The following MTA3 variants were observed in gnomAD, a reference collection of about 807,000 sequenced individuals.
MTA3 encodes the protein metastasis associated 1 family member 3.
MTA3 carries 34 observed loss-of-function variants against 83.5 expected under a neutral mutation model. The ratio of observed to expected loss-of-function variants is 0.41; its 90% CI spans 0.31 to 0.54. MTA3 has a LOEUF of 0.54. Among genes scored for constraint, MTA3 ranks in the 20% least tolerant of loss-of-function variants. The probability of loss-of-function intolerance (pLI) is 0.33; values close to 1 mark genes in which losing one functional copy is unlikely to be tolerated. For missense variants in MTA3, 761 were observed against 726.4 expected (o/e 1.05, Z -0.55); for synonymous variants, 303 against 252.7 (o/e 1.20, Z -1.89).
intron 6 of MTA3, among the ~76,000 whole-genome samples, chr2:42,651,667 C>T (rs909746671): frequency 2.6e-5 from 4 of 150,952 alleles, no homozygotes; most frequent in Non-Finnish European, 4.4e-5. Flanking sequence ...CATGGTGGTG[C>T]GTGCCTGTAG....
intron 2 of MTA3, among the ~76,000 whole-genome samples, chr2:42,541,040 T>C (rs1676496283): frequency 6.6e-6 from 1 of 151,716 alleles, no homozygotes. Flanking sequence ...AATTTTTTTT[T>C]TTTTTTTTGA....
chr2:42,632,495 A>T (rs930575904), intron 4 of MTA3, among the ~76,000 whole-genome samples: 1 of 152,092 alleles, frequency 6.6e-6, no homozygotes, highest in Non-Finnish European at 1.5e-5. Context: ...TTCATTTGCC[A>T]TCTTGTCCAG....
chr2:42,734,232 T>G (rs1396913120), intron 16 of MTA3, among the ~76,000 whole-genome samples: 1 of 152,192 alleles, frequency 6.6e-6, no homozygotes. Flanking sequence ...CATATATATT[T>G]GTAATTGTTA....
At chr2:42,715,125 T>C (rs540450151) in intron 14 of MTA3, among the ~76,000 whole-genome samples, 31 of 152,334 alleles carry the variant, frequency 2.0e-4, no homozygotes, top group South Asian at 6.2e-4. Flanking sequence ...TTCAAATGCA[T>C]ATCTCCCTGT....
chr2:42,644,107 T>C lies in MTA3; in HGVS notation c.382-20T>C. 3 of 1,424,760 alleles carry C rather than the reference T, an allele frequency of 2.1e-6. No individual in the cohort carries two copies. The highest frequency in any genetic ancestry group is 2.9e-6 in the Non-Finnish European group (3 of 1,020,670). 88.3% of individuals were successfully genotyped at this position (1,424,760 alleles called of 1,614,324 possible). A position where few individuals can be genotyped will look rare whatever the true frequency, so the allele number is the denominator to read the frequency against. On this transcript the variant is annotated intron_variant, in intron 5 of 16. Transcript: ENST00000405094. The stretch of plus-strand genomic sequence containing the variant: ...GTAGAAGGAATTAAGTATACCTATG[T>C]ATTTTGTCATATTTTTCAGGATACC...
chr2:42,599,438 A>T (rs1382448973), intron 3 of MTA3, among the ~76,000 whole-genome samples: 1 of 151,860 alleles, frequency 6.6e-6, no homozygotes, highest in African/African-American at 2.4e-5. Context: ...ACTAAAAAAA[A>T]TACAAAAATT....
intron 6 of MTA3, among the ~76,000 whole-genome samples, chr2:42,655,854 C>T (rs770855869): frequency 6.6e-5 from 10 of 152,326 alleles, no homozygotes; most frequent in Non-Finnish European, 1.2e-4. Context: ...CTGTCTGCCT[C>T]GGCCTCCCAA....
At chr2:42,500,428 C>G (rs969177718) in intron 2 of MTA3, among the ~76,000 whole-genome samples, 3 of 151,774 alleles carry the variant, frequency 2.0e-5, no homozygotes, top group Admixed American at 1.3e-4. Flanking sequence ...TGTGGTGGCA[C>G]GTGCCTGTAG....
chr2:42,719,555 G>T (rs1240983390), intron 15 of MTA3, among the ~76,000 whole-genome samples: 1 of 151,956 alleles, frequency 6.6e-6, no homozygotes, highest in East Asian at 1.9e-4. Flanking sequence ...TTTGTTTTTT[G>T]TAGAGACAGG....
intron 8 of MTA3, among the ~76,000 whole-genome samples, chr2:42,668,581 C>T (rs1051798091): frequency 1.3e-5 from 2 of 152,150 alleles, no homozygotes; most frequent in Non-Finnish European, 2.9e-5. Context: ...GTTGAGAAGA[C>T]GACAATGGTG....
chr2:42,519,387 C>A (rs963834400), intron 2 of MTA3, among the ~76,000 whole-genome samples: 6 of 152,092 alleles, frequency 3.9e-5, no homozygotes, highest in African/African-American at 4.8e-5. Flanking sequence ...GGGCAGATCA[C>A]CTGAGGTCAG....
At chr2:42,690,905 C>T (rs1320439677) in intron 9 of MTA3, among the ~76,000 whole-genome samples, 1 of 146,080 alleles carries the variant, frequency 6.8e-6, no homozygotes. Context: ...GAGACAAAGT[C>T]TCACTCTGTT....
At chr2:42,641,351 C>A (rs903972842) in intron 5 of MTA3, among the ~76,000 whole-genome samples, 1 of 151,260 alleles carries the variant, frequency 6.6e-6, no homozygotes, top group Non-Finnish European at 1.5e-5. Context: ...AGAAAACCAA[C>A]AGGAAAAGTC....
chr2:42,522,687 T>C (rs1309709904), intron 2 of MTA3, among the ~76,000 whole-genome samples: 1 of 151,536 alleles, frequency 6.6e-6, no homozygotes, highest in African/African-American at 2.4e-5. Context: ...GTCCCAGCTA[T>C]TCCAGAGGCT....
intron 16 of MTA3, among the ~76,000 whole-genome samples, chr2:42,731,776 A>T (rs965158592): frequency 6.6e-6 from 1 of 152,210 alleles, no homozygotes; most frequent in African/African-American, 2.4e-5. Context: ...GCATTAACCC[A>T]AAAGTCCACA....
At chr2:42,678,059 G>T (rs1691544222) in intron 8 of MTA3, among the ~76,000 whole-genome samples, 2 of 152,148 alleles carry the variant, frequency 1.3e-5, no homozygotes, top group Non-Finnish European at 2.9e-5. Flanking sequence ...TACACAGTCT[G>T]TCTAGTTAGC....
chr2:42,569,109 C>T (rs1318133140), intron 1 of MTA3, among the ~76,000 whole-genome samples: 2 of 152,000 alleles, frequency 1.3e-5, no homozygotes, highest in Non-Finnish European at 2.9e-5. Context: ...GAGAAGGTGG[C>T]CTTCTTGCGT....
chr2:42,741,190 C>T (rs936122289), intron 16 of MTA3, among the ~76,000 whole-genome samples: 4 of 152,256 alleles, frequency 2.6e-5, no homozygotes, highest in East Asian at 1.9e-4. Context: ...CCAGCTTCCT[C>T]ACCTCTCTCA....
chr2:42,705,272 A>AT (rs1665976297), intron 12 of MTA3, among the ~76,000 whole-genome samples: 2 of 152,218 alleles, frequency 1.3e-5, no homozygotes, highest in African/African-American at 4.8e-5. Flanking sequence ...GAAAATTAAG[A>AT]TTTTTTAGGT....
Sources: gnomAD v4.1 joint callset for allele counts (sites outside exome capture counted in the v4.1 genomes callset) on GRCh38, gnomAD v4.1.1 for gene constraint, MANE v1.5 for transcripts, NCBI Gene and HGNC (gene_info 2026-07-23, HGNC 2026-07-21) for gene names.